The following TSC2 variants were observed in gnomAD, a reference collection of about 807,000 sequenced individuals.
The protein encoded by TSC2 is TSC complex subunit 2.
A neutral mutation model predicts 202.2 loss-of-function variants in TSC2; 29 were observed. That is an observed-to-expected ratio of 0.14 (90% CI 0.11 to 0.20). The LOEUF (loss-of-function observed/expected upper bound fraction) is 0.20, where lower values mean the gene tolerates loss of function less well. Among genes scored for constraint, TSC2 ranks in the 10% least tolerant of loss-of-function variants. The pLI, the probability that TSC2 is intolerant of heterozygous loss-of-function variation, is 1.00. For missense variants in TSC2, 2,429 were observed against 2,420.0 expected, an observed-to-expected ratio of 1.00 and a Z score of -0.08; for synonymous variants, 1,349 against 1,044.0, an observed-to-expected ratio of 1.29 and a Z score of -5.63.
Position 2,084,245 on chromosome 16 carries a change from C to A in TSC2, c.4023C>A (p.Ser1341Arg), listed in dbSNP as rs45462593. Residue 1341 changes from serine (S) to arginine (R), a missense_variant, in exon 34 of 42, where the codon AGC (serine) becomes AGA (arginine). Ser to Arg is a moderately radical substitution (Grantham distance 110). Coordinates refer to ENST00000219476, the MANE Select transcript of TSC2 (RefSeq NM_000548.5). ...DAYSRSSSVS[S>R]QEEKSLHAEE... ...CTTTCTAGTCGTCCTCAGTCTCCAG[C>A]CAGGAGGAGAAGTCGCTCCACGCGG... The A allele has an allele frequency of 9.6e-5, 154 of 1,598,788 alleles. 3 individuals are homozygous for A. In the South Asian group the frequency reaches 1.7e-3, roughly 18 times the overall value.
At chr16:2,070,353 A>G (rs2151275246) in intron 16 of TSC2, 103 bp from the exon 17 acceptor site, 1 of 1,598,856 alleles carries the variant, frequency 6.3e-7, no homozygotes. Flanking sequence ...TGAAGCACGC[A>G]CTCTAGAGCA....
intron 32 of TSC2, chr16:2,083,393 G>A: frequency 3.7e-6 from 2 of 541,510 alleles, no homozygotes; most frequent in South Asian, 1.9e-5. Flanking sequence ...CGGGCGGAGA[G>A]CGTCTTGCCC....
At position 2,070,498 on chromosome 16, in the gene TSC2, T is replaced by C. The variant is rs1555505094; in HGVS notation, c.1759T>C (p.Tyr587His). 2 of 1,613,436 alleles carry C rather than the reference T, an allele frequency of 1.2e-6. No homozygotes were observed. The highest frequency in any genetic ancestry group is 1.7e-6 in the Non-Finnish European group (2 of 1,180,032). ...TLPASHATRV[Y>H]EMLVSHIQLH... ...GCCTGCAAGCCACGCCACGCGTGTG[T>C]ATGAGATGCTGGTCAGCCACATTCA... Residue 587 changes from tyrosine to histidine, a missense_variant, in exon 17 of 42, where the codon TAT (tyrosine) becomes CAT (histidine). Coordinates refer to ENST00000219476, the MANE Select transcript of TSC2 (RefSeq NM_000548.5).
intron 18 of TSC2, 47 bp from the exon 19 acceptor site, chr16:2,071,737 T>A (rs2088434093): frequency 1.3e-6 from 2 of 1,598,052 alleles, no homozygotes; most frequent in South Asian, 2.2e-5. Context: ...GTCTGTTCCG[T>A]TCCTGCTGCG....
At chr16:2,077,525 C>T in intron 25 of TSC2, 73 bp from the exon 26 acceptor site, 1 of 1,606,726 alleles carries the variant, frequency 6.2e-7, no homozygotes, top group Non-Finnish European at 8.5e-7. Context: ...CTCCTCACCC[C>T]TCCACTGGCT....
chr16:2,049,573 C>G (rs976352591), intron 2 of TSC2, among the ~76,000 whole-genome samples: 5 of 151,890 alleles, frequency 3.3e-5, no homozygotes, highest in African/African-American at 1.2e-4. Context: ...GCCTGTCATC[C>G]CAGCACTTTG....
At chr16:2,076,419 C>A in intron 24 of TSC2, 72 bp from the exon 25 acceptor site, 2 of 1,600,850 alleles carry the variant, frequency 1.2e-6, no homozygotes, top group South Asian at 2.2e-5. Flanking sequence ...CCAGGGGGCA[C>A]CCGGCAGGCC....
chr16:2,062,447 A>G (rs770216695), intron 12 of TSC2, 50 bp from the exon 13 acceptor site: 7 of 1,530,464 alleles, frequency 4.6e-6, no homozygotes, highest in Non-Finnish European at 6.2e-6. Flanking sequence ...AGTGTGGAGA[A>G]GGAGAGCGCC....
intron 14 of TSC2, chr16:2,063,535 C>T: frequency 3.7e-6 from 1 of 267,216 alleles, no homozygotes; most frequent in East Asian, 1.0e-4. Flanking sequence ...TGTGTGCCTG[C>T]CAGTCATACC....
chr16:2,059,676 C>G (rs2086391673), intron 10 of TSC2, among the ~76,000 whole-genome samples: 1 of 152,090 alleles, frequency 6.6e-6, no homozygotes, highest in Non-Finnish European at 1.5e-5. Flanking sequence ...TGGGCCACTA[C>G]ACACAGCTAA....
rs552538351 is a variant in TSC2, at chr16:2,052,459, A to G, written c.226-883A>G. The stretch of plus-strand genomic sequence containing the variant: ...CAAGTAGCTGGGACTACAGGCATGC[A>G]GCACCACGCCTGGCTAAGTTTTGTA... On this transcript the variant is annotated intron_variant, in intron 3 of 41. Transcript: ENST00000219476. Among the ~76,000 whole-genome samples, 3 of 152,202 alleles carry G rather than the reference A, an allele frequency of 2.0e-5. No individual in the cohort carries two copies. The East Asian group carries it at 5.8e-4, about 29-fold the overall frequency.
Position 2,070,312 on chromosome 16 carries a change from T to C in TSC2, c.1717-144T>C. 2.1e-6 allele frequency: 3 copies of C among 1,403,832 alleles called. No homozygotes were observed. The South Asian group carries it at 3.6e-5, about 17-fold the overall frequency. 87.0% of individuals were successfully genotyped at this position (1,403,832 alleles called of 1,614,324 possible). A position where few individuals can be genotyped will look rare whatever the true frequency, so the allele number is the denominator to read the frequency against. On this transcript the variant is annotated intron_variant, in intron 16 of 41. Coordinates refer to ENST00000219476, the MANE Select transcript of TSC2 (RefSeq NM_000548.5). ...TTTTGCTGCTGTGGAGAGAGAGTCC[T>C]GGTGGTCCTGGGTTTGAAGGTCGTG...
intron 17 of TSC2, among the ~76,000 whole-genome samples, chr16:2,070,897 G>A (rs1326698415): frequency 6.6e-6 from 1 of 152,236 alleles, no homozygotes; most frequent in African/African-American, 2.4e-5. Flanking sequence ...AGGACCTGCA[G>A]CAGAGGGCTG....
At chr16:2,064,114 A>C in intron 14 of TSC2, 158 bp from the exon 15 acceptor site, 2 of 1,206,256 alleles carry the variant, frequency 1.7e-6, no homozygotes, top group Non-Finnish European at 2.4e-6. Flanking sequence ...GGGGTCTCTG[A>C]GTCGCGCTCA....
At chr16:2,070,643 G>A in intron 17 of TSC2, 65 bp downstream of exon 17, 7 of 1,609,622 alleles carry the variant, frequency 4.3e-6, no homozygotes, top group South Asian at 2.2e-5. Flanking sequence ...GTCTCGGCAG[G>A]TGTGGTTCCT....
chr16:2,062,440 G>T, intron 12 of TSC2, 57 bp from the exon 13 acceptor site: 1 of 1,507,484 alleles, frequency 6.6e-7, no homozygotes, highest in African/African-American at 1.4e-5. Flanking sequence ...GCAGCCCAGT[G>T]TGGAGAAGGA....
Position 2,086,715 on chromosome 16 carries a change from G to T in TSC2, c.4850-17G>T. ...AGCACTGGCCCCACAAACCCATCCG[G>T]CCCTGCTCACCCTCAGCCGTCTTCC... On this transcript the variant is annotated splice_polypyrimidine_tract_variant and intron_variant, in intron 37 of 41. Coordinates refer to ENST00000219476, the MANE Select transcript of TSC2 (RefSeq NM_000548.5). 1 of 1,608,470 alleles carries T rather than the reference G, an allele frequency of 6.2e-7. No individual in the cohort carries two copies. Among genetic ancestry groups the T allele is most frequent in the Admixed American group, 1.7e-5 (1 of 60,010 alleles).
chr16:2,080,738 C>G (rs989940518), intron 30 of TSC2: 1 of 277,794 alleles, frequency 3.6e-6, no homozygotes, highest in Non-Finnish European at 7.0e-6. Context: ...CCCGCCTTGG[C>G]CTCCCAAAGT....
Position 2,085,251 on chromosome 16 carries a change from G to A in TSC2, c.4591G>A (p.Val1531Met), listed in dbSNP as rs762797016. 14 of 1,612,646 alleles carry A rather than the reference G, an allele frequency of 8.7e-6. No homozygotes were observed. Among genetic ancestry groups the A allele is most frequent in the Non-Finnish European group, 3.4e-6 (4 of 1,179,962 alleles). The change falls in exon 36 of 42, where the codon GTG (valine) becomes ATG (methionine). Residue 1531 changes from valine (V) to methionine (M), a missense_variant. Physicochemically the swap from Val to Met is conservative, Grantham distance 21 (BLOSUM62 1). Coordinates refer to ENST00000219476, the MANE Select transcript of TSC2 (RefSeq NM_000548.5). ...PNESQSFERS[V>M]QLLDQIPSYD... The stretch of plus-strand genomic sequence containing the variant: ...ACAGTCACAGTCCTTTGAGCGGTCG[G>A]TGCAGCTCCTCGACCAGATCCCATC...
Sources: gnomAD v4.1 joint callset for allele counts (sites outside exome capture counted in the v4.1 genomes callset) on GRCh38, gnomAD v4.1.1 for gene constraint, MANE v1.5 for transcripts, NCBI Gene and HGNC (gene_info 2026-07-23, HGNC 2026-07-21) for gene names.